The following SOS1 variants were observed in gnomAD, a reference collection of about 807,000 sequenced individuals.
SOS1 encodes SOS Ras/Rac guanine nucleotide exchange factor 1.
Under a neutral mutation model 157.6 loss-of-function variants are expected in SOS1, and 25 were observed. That is an observed-to-expected ratio of 0.16 (90% CI 0.12 to 0.22). The LOEUF (loss-of-function observed/expected upper bound fraction) is 0.22. Among genes scored for constraint, SOS1 ranks in the 10% least tolerant of loss-of-function variants. The pLI is 1.00. For synonymous variants in SOS1, 528 were observed against 534.0 expected (o/e 0.99, Z 0.16); for missense variants, 1,237 against 1,599.1 (o/e 0.77, Z 3.86).
intron 17 of SOS1, among the ~76,000 whole-genome samples, chr2:39,003,682 G>A (rs539982707): frequency 3.3e-5 from 5 of 152,222 alleles, no homozygotes; most frequent in African/African-American, 1.2e-4. Context: ...TTGACAGATT[G>A]TTCCAGTTAC....
intron 6 of SOS1, among the ~76,000 whole-genome samples, chr2:39,037,175 C>T (rs1670385937): frequency 6.6e-6 from 1 of 152,074 alleles, no homozygotes. Context: ...TAATATAACA[C>T]CAGAAATTGG....
intron 1 of SOS1, among the ~76,000 whole-genome samples, chr2:39,099,393 G>A (rs1572891519): frequency 6.6e-6 from 1 of 152,170 alleles, no homozygotes; most frequent in African/African-American, 2.4e-5. Context: ...GTCCAGAACA[G>A]ACAAATCCAT....
At chr2:39,099,072 C>G (rs1434872506) in intron 1 of SOS1, among the ~76,000 whole-genome samples, 1 of 152,122 alleles carries the variant, frequency 6.6e-6, no homozygotes, top group Non-Finnish European at 1.5e-5. Context: ...CACCTCATAT[C>G]CACTAAGATG....
In SOS1 at chr2:38,983,092, A is replaced by T. The variant is rs1668450252; in HGVS notation, c.*2732T>A. On this transcript the variant is annotated 3_prime_UTR_variant, in exon 23 of 23. Transcript: ENST00000402219. ...TAGTCTTAAAATACATCAGCCTTGA[A>T]ATATTTTCATTTCTAAAAGAAATGT... The T allele has an allele frequency of 2.6e-5, 4 of 152,228 alleles. No homozygotes were observed. The South Asian group carries it at 8.3e-4, about 32-fold the overall frequency. 9.4% of individuals were successfully genotyped at this position (152,228 alleles called of 1,614,324 possible).
chr2:39,081,452 G>C (rs989988491), intron 1 of SOS1, among the ~76,000 whole-genome samples: 1 of 148,736 alleles, frequency 6.7e-6, no homozygotes, highest in African/African-American at 2.5e-5. Flanking sequence ...CCCTGGAGGC[G>C]GAGGTTGCAG....
At chr2:39,052,048 C>T (rs2124598514) in intron 5 of SOS1, among the ~76,000 whole-genome samples, 1 of 152,230 alleles carries the variant, frequency 6.6e-6, no homozygotes, top group South Asian at 2.1e-4. Context: ...TACCTAAATA[C>T]CCAGTAAAGT....
At position 38,995,458 on chromosome 2, in the gene SOS1, C is replaced by T. The variant is rs114702623; in HGVS notation, c.3082-71G>A. 1,169 of 1,238,556 alleles carry T rather than the reference C, an allele frequency of 9.4e-4. 7 individuals are homozygous for T. In the African/African-American group the frequency reaches 0.015, roughly 16 times the overall value. The allele number at this position is 1,238,556 out of a possible 1,614,324, so 76.7% of individuals were successfully genotyped here. The stretch of plus-strand genomic sequence containing the variant: ...GAAAGGAAAGTTTTTCTATATGTGC[C>T]TGGTAAAATTCAGCTAATATACAGG... On this transcript the variant is annotated intron_variant, in intron 19 of 22. Transcript: ENST00000402219.
At chr2:38,987,276 GA>G (rs2124458082) in intron 22 of SOS1, among the ~76,000 whole-genome samples, 196 bp downstream of exon 22, 1 of 152,190 alleles carries the variant, frequency 6.6e-6, no homozygotes, top group East Asian at 1.9e-4. Context: ...CAAGGGTCTT[GA>G]ATGCATACCA....
intron 8 of SOS1, among the ~76,000 whole-genome samples, chr2:39,028,078 G>C (rs888638301): frequency 2.6e-5 from 4 of 152,086 alleles, no homozygotes; most frequent in African/African-American, 9.7e-5. Context: ...AAAGTACTGG[G>C]ATTACAGGCA....
intron 10 of SOS1, among the ~76,000 whole-genome samples, chr2:39,020,273 ACAC>A (rs1669757729): frequency 6.6e-6 from 1 of 151,646 alleles, no homozygotes; most frequent in Non-Finnish European, 1.5e-5. Context: ...AAGTTGGCTG[ACAC>A]CACAGTGAAG....
chr2:39,034,161 A>G (rs1670262549), intron 8 of SOS1, among the ~76,000 whole-genome samples: 1 of 152,234 alleles, frequency 6.6e-6, no homozygotes, highest in Non-Finnish European at 1.5e-5. Context: ...AGTGATTAAA[A>G]ATACCTTTTA....
chr2:39,028,414 C>G (rs1670043980), intron 8 of SOS1, among the ~76,000 whole-genome samples: 1 of 152,118 alleles, frequency 6.6e-6, no homozygotes, highest in East Asian at 1.9e-4. Context: ...GTACCCAGTG[C>G]ATTTTATATG....
At chr2:39,095,139 C>G (rs926263814) in intron 1 of SOS1, among the ~76,000 whole-genome samples, 2 of 152,172 alleles carry the variant, frequency 1.3e-5, no homozygotes, top group Non-Finnish European at 2.9e-5. Context: ...ACCAGCTGTT[C>G]AAATTTGCTG....
chr2:39,054,505 T>A, intron 5 of SOS1, 109 bp downstream of exon 5: 1 of 686,532 alleles, frequency 1.5e-6, no homozygotes, highest in South Asian at 1.7e-5. Flanking sequence ...TCCCACAACT[T>A]AAAAAAATTA....
At chr2:38,999,336 G>A (rs918860032) in intron 17 of SOS1, among the ~76,000 whole-genome samples, 3 of 152,154 alleles carry the variant, frequency 2.0e-5, no homozygotes, top group Non-Finnish European at 4.4e-5. Flanking sequence ...ACATAGGCAA[G>A]GGCTGGGTTT....
chr2:39,031,609 A>G (rs1670162648), intron 8 of SOS1, among the ~76,000 whole-genome samples: 1 of 152,012 alleles, frequency 6.6e-6, no homozygotes, highest in African/African-American at 2.4e-5. Flanking sequence ...GGGCGTCTGT[A>G]ATTCCAGCTA....
chr2:39,069,421 A>T (rs1244658760), intron 1 of SOS1, among the ~76,000 whole-genome samples: 1 of 152,126 alleles, frequency 6.6e-6, no homozygotes, highest in African/African-American at 2.4e-5. Flanking sequence ...ATAATTTTTT[A>T]AAAGTACATA....
At chr2:39,029,917 TGTACTTTGGGA>T (rs1385010293) in intron 8 of SOS1, among the ~76,000 whole-genome samples, 1 of 152,038 alleles carries the variant, frequency 6.6e-6, no homozygotes, top group African/African-American at 2.4e-5. Flanking sequence ...CTATAATCCC[TGTACTTTGGGA>T]GGTCTAGGTG....
chr2:39,112,339 CCTCT>C, intron 1 of SOS1, among the ~76,000 whole-genome samples: 1 of 152,176 alleles, frequency 6.6e-6, no homozygotes, highest in Non-Finnish European at 1.5e-5. Context: ...CCTCTCTCTC[CCTCT>C]CTCTCTTGCT....
Sources: gnomAD v4.1 joint callset for allele counts (sites outside exome capture counted in the v4.1 genomes callset) on GRCh38, gnomAD v4.1.1 for gene constraint, MANE v1.5 for transcripts, NCBI Gene and HGNC (gene_info 2026-07-23, HGNC 2026-07-21) for gene names.